Variants in LIPA observed in about 807,000 individuals in gnomAD.
The protein encoded by LIPA is lysosomal acid lipase/cholesteryl ester hydrolase.
In LIPA, 26 loss-of-function variants were observed where a neutral mutation model predicts 40.6. That is an observed-to-expected ratio of 0.64 (90% CI 0.47 to 0.89). LIPA has a LOEUF of 0.89. Ranked by LOEUF, LIPA falls within the 40% of genes least tolerant of loss-of-function variation. The pLI, the probability that LIPA is intolerant of heterozygous loss-of-function variation, is 0.00. For missense variants in LIPA, 455 were observed against 479.6 expected, an observed-to-expected ratio of 0.95 and a Z score of 0.48; for synonymous variants, 188 against 168.4, an observed-to-expected ratio of 1.12 and a Z score of -0.90.
At chr10:89,338,586 C>T (rs1037671944) in intron 1 of LIPA, 1 of 1,368,436 alleles carries the variant, frequency 7.3e-7, no homozygotes, top group African/African-American at 1.4e-5. Flanking sequence ...GTTCAATTGA[C>T]ATATAAAATT....
intron 2 of LIPA, among the ~76,000 whole-genome samples, chr10:89,358,117 A>G (rs770767898): frequency 8.5e-5 from 13 of 152,214 alleles, no homozygotes; most frequent in Non-Finnish European, 1.0e-4. Flanking sequence ...AGAGGTCTGC[A>G]GGAAGGACAG....
intron 2 of LIPA, among the ~76,000 whole-genome samples, chr10:89,373,389 A>C (rs1039641074): frequency 6.6e-6 from 1 of 151,906 alleles, no homozygotes; most frequent in Non-Finnish European, 1.5e-5. Context: ...CCAGAAAAGT[A>C]AATCAGAGTA....
intron 2 of LIPA, among the ~76,000 whole-genome samples, chr10:89,371,426 C>T (rs1431338388): frequency 6.6e-6 from 1 of 152,192 alleles, no homozygotes; most frequent in African/African-American, 2.4e-5. Flanking sequence ...TCCAAAATGT[C>T]TTCTATGAGC....
intron 1 of LIPA, among the ~76,000 whole-genome samples, chr10:89,326,885 G>T (rs776359930): frequency 1.2e-4 from 18 of 152,344 alleles, no homozygotes; most frequent in Non-Finnish European, 2.1e-4. Flanking sequence ...CTGTGACACA[G>T]CCCTCAGGAG....
chr10:89,243,281 C>T (rs574671239), intron 3 of LIPA, among the ~76,000 whole-genome samples: 26 of 152,310 alleles, frequency 1.7e-4, no homozygotes, highest in South Asian at 4.1e-4. Context: ...ATCAGGAAAG[C>T]GCCTATGCAG....
intron 1 of LIPA, among the ~76,000 whole-genome samples, chr10:89,263,871 CA>C (rs1843222281): frequency 6.6e-6 from 1 of 152,252 alleles, no homozygotes; most frequent in Non-Finnish European, 1.5e-5. Flanking sequence ...GTCAGCAAGC[CA>C]GCTGCTCTGG....
chr10:89,297,573 A>C (rs1843422672), intron 1 of LIPA, among the ~76,000 whole-genome samples: 1 of 152,208 alleles, frequency 6.6e-6, no homozygotes, highest in Non-Finnish European at 1.5e-5. Flanking sequence ...CCCCAGGGAA[A>C]GAATGGTGCA....
Position 89,223,792 on chromosome 10 carries a change from C to A in LIPA, c.714G>T (p.Ala238=). ...CGTGGGTACCCAGCCACTTCAAAAACGCACTCTGGGGAAGAAATTCTTTGT... is the reference window on the plus strand; with the variant it reads ...CGTGGGTACCCAGCCACTTCAAAAAAGCACTCTGGGGAAGAAATTCTTTGT... The part of the protein sequence containing the change: ...FGDKEFLPQS[A]FLKWLGTHVC... The change falls in exon 7 of 10, where the codon GCG becomes GCT. Residue 238 remains alanine, a synonymous_variant. Coordinates refer to ENST00000336233, the MANE Select transcript of LIPA (RefSeq NM_000235.4). The A allele has an allele frequency of 1.9e-6, 3 of 1,614,084 alleles. No individual in the cohort carries two copies. The highest frequency in any genetic ancestry group is 2.5e-6 in the Non-Finnish European group (3 of 1,179,964).
chr10:89,304,723 G>T (rs1843467351), intron 1 of LIPA, among the ~76,000 whole-genome samples: 1 of 152,074 alleles, frequency 6.6e-6, no homozygotes, highest in Admixed American at 6.5e-5. Flanking sequence ...ACAGGCTTTT[G>T]CTCATTTGTC....
At chr10:89,393,270 C>T in intron 2 of LIPA, 3 of 1,289,656 alleles carry the variant, frequency 2.3e-6, no homozygotes, top group Non-Finnish European at 3.0e-6. Context: ...TGGCCTCTTA[C>T]AACAGGTTTT....
In LIPA at chr10:89,243,345, C is replaced by T. The variant is rs1371951445; in HGVS notation, c.229+2331G>A. Among the ~76,000 whole-genome samples, 3 of 152,180 alleles carry T rather than the reference C, an allele frequency of 2.0e-5. No homozygotes were observed. The East Asian group carries it at 5.8e-4, about 29-fold the overall frequency. ...GAACTGAGTTGTTCACTGTAGACTT[C>T]CTTGAAGACTCCCCACTGAGGTTAG... On this transcript the variant is annotated intron_variant, in intron 3 of 9. Coordinates refer to ENST00000336233, the MANE Select transcript of LIPA (RefSeq NM_000235.4).
At chr10:89,313,828 C>T (rs918680369) in intron 1 of LIPA, among the ~76,000 whole-genome samples, 11 of 152,104 alleles carry the variant, frequency 7.2e-5, no homozygotes, top group African/African-American at 2.4e-4. Context: ...AAATGTGGAA[C>T]GGAGGCAAAT....
upstream of LIPA, among the ~76,000 whole-genome samples, chr10:89,346,946 T>A (rs1359277020): frequency 6.6e-6 from 1 of 152,198 alleles, no homozygotes. Context: ...TTTCTCTCCT[T>A]TGGTCTCCCA....
At chr10:89,368,828 A>G (rs1319838517) in intron 2 of LIPA, among the ~76,000 whole-genome samples, 1 of 152,062 alleles carries the variant, frequency 6.6e-6, no homozygotes, top group Admixed American at 6.6e-5. Flanking sequence ...TCCAAAGTAG[A>G]CAGAGAAAGA....
At chr10:89,221,242 C>G (rs566115198) in intron 8 of LIPA, among the ~76,000 whole-genome samples, 1 of 151,756 alleles carries the variant, frequency 6.6e-6, no homozygotes, top group Admixed American at 6.6e-5. Context: ...AATAATAAAA[C>G]GACTCGGGAG....
At chr10:89,245,157 T>G (rs1843008305) in intron 3 of LIPA, among the ~76,000 whole-genome samples, 1 of 152,190 alleles carries the variant, frequency 6.6e-6, no homozygotes, top group African/African-American at 2.4e-5. Flanking sequence ...ATCTTTTGCA[T>G]TCAAATGGAG....
intron 1 of LIPA, among the ~76,000 whole-genome samples, chr10:89,296,213 GCACTGTGGCT>G (rs1466274930): frequency 6.6e-6 from 1 of 152,116 alleles, no homozygotes; most frequent in Non-Finnish European, 1.5e-5. Context: ...TAGAAGCCAG[GCACTGTGGCT>G]CATGCCTGTA....
chr10:89,243,305 C>T (rs1426690809), intron 3 of LIPA, among the ~76,000 whole-genome samples: 1 of 152,202 alleles, frequency 6.6e-6, no homozygotes, highest in Non-Finnish European at 1.5e-5. Flanking sequence ...TTAGGAAAAT[C>T]ACAATTCCTT....
chr10:89,295,074 A>AGGAAT (rs1441199427), intron 1 of LIPA, among the ~76,000 whole-genome samples: 1 of 145,264 alleles, frequency 6.9e-6, no homozygotes, highest in African/African-American at 2.6e-5. Flanking sequence ...AGGAAAGGAA[A>AGGAAT]GGAATGGAAA....
Sources: allele counts gnomAD v4.1 joint callset (sites outside exome capture counted in the v4.1 genomes callset), GRCh38; gene constraint gnomAD v4.1.1; transcripts MANE v1.5; gene names NCBI Gene and HGNC (gene_info 2026-07-23, HGNC 2026-07-21).